The following PCLO variants were observed in gnomAD, a reference collection of about 807,000 sequenced individuals.
PCLO encodes protein piccolo.
PCLO carries 82 observed loss-of-function variants against 427.5 expected under a neutral mutation model. The ratio of observed to expected loss-of-function variants is 0.19; its 90% CI spans 0.16 to 0.23. PCLO has a LOEUF of 0.23. PCLO is among the 10% of genes least tolerant of loss of function. PCLO has a pLI of 1.00. For synonymous variants in PCLO, 2,357 were observed against 2,155.4 expected (o/e 1.09, Z -2.59); for missense variants, 6,239 against 6,115.9 (o/e 1.02, Z -0.67).
At chr7:83,020,588 GT>G (rs1788319408) in intron 3 of PCLO, among the ~76,000 whole-genome samples, 1 of 152,088 alleles carries the variant, frequency 6.6e-6, no homozygotes, top group Non-Finnish European at 1.5e-5. Context: ...TAGCAAGAAG[GT>G]CTTACCAGAC....
intron 6 of PCLO, among the ~76,000 whole-genome samples, chr7:82,922,724 C>T (rs13230738): frequency 6.6e-6 from 1 of 151,902 alleles, no homozygotes; most frequent in Non-Finnish European, 1.5e-5. Context: ...CATGTACCCT[C>T]TGAACCTAAA....
chr7:83,008,699 A>C (rs952892462), intron 3 of PCLO, among the ~76,000 whole-genome samples: 10 of 151,750 alleles, frequency 6.6e-5, no homozygotes, highest in Non-Finnish European at 1.5e-4. Context: ...CTAAAAATGT[A>C]TAATAGGTTG....
chr7:83,020,182 C>G (rs1216318164), intron 3 of PCLO, among the ~76,000 whole-genome samples: 5 of 151,908 alleles, frequency 3.3e-5, no homozygotes. Context: ...TCTAGTTTGA[C>G]CCCTAAGTGT....
intron 3 of PCLO, among the ~76,000 whole-genome samples, chr7:83,048,773 T>C (rs1000371013): frequency 6.6e-6 from 1 of 152,132 alleles, no homozygotes; most frequent in Non-Finnish European, 1.5e-5. Flanking sequence ...TATTCTCACC[T>C]ACTGATGGTT....
chr7:82,917,006 T>C (rs756882895), intron 6 of PCLO, 133 bp from the exon 7 acceptor site: 6 of 572,436 alleles, frequency 1.0e-5, no homozygotes, highest in South Asian at 3.5e-5. Context: ...AAATAAAATA[T>C]ATGCATATAA....
chr7:83,156,561 CT>C (rs571082985), intron 1 of PCLO, among the ~76,000 whole-genome samples, 169 bp from the exon 2 acceptor site: 3 of 151,264 alleles, frequency 2.0e-5, no homozygotes, highest in East Asian at 1.9e-4. Context: ...AGTTTTAATG[CT>C]TTTTTTTCTT....
chr7:83,144,105 A>G (rs1791934364), intron 2 of PCLO, among the ~76,000 whole-genome samples: 1 of 152,210 alleles, frequency 6.6e-6, no homozygotes, highest in South Asian at 2.1e-4. Flanking sequence ...TTGACTTAAG[A>G]AGGAAATAAA....
At chr7:82,870,522 G>T (rs543818816) in intron 10 of PCLO, among the ~76,000 whole-genome samples, 1 of 152,030 alleles carries the variant, frequency 6.6e-6, no homozygotes, top group South Asian at 2.1e-4. Context: ...CAGGACATTG[G>T]TATGGGCAAA....
chr7:83,038,379 C>T (rs1788885349), intron 3 of PCLO, among the ~76,000 whole-genome samples: 1 of 151,510 alleles, frequency 6.6e-6, no homozygotes, highest in Non-Finnish European at 1.5e-5. Context: ...AGCCATTTCA[C>T]ATATTCCCCA....
intron 9 of PCLO, among the ~76,000 whole-genome samples, chr7:82,882,639 A>G (rs1198780727): frequency 1.3e-5 from 2 of 152,276 alleles, no homozygotes; most frequent in South Asian, 2.1e-4. Flanking sequence ...AAAACCTTCA[A>G]AGGTTGGGAT....
chr7:82,959,760 T>C (rs1446125423), intron 4 of PCLO, among the ~76,000 whole-genome samples: 1 of 152,056 alleles, frequency 6.6e-6, no homozygotes, highest in African/African-American at 2.4e-5. Flanking sequence ...GATTTCATCA[T>C]TGTTTACCTA....
chr7:82,796,758 A>G (rs1791231811), intron 22 of PCLO, among the ~76,000 whole-genome samples: 1 of 149,232 alleles, frequency 6.7e-6, no homozygotes. Flanking sequence ...TCCTGGCTGT[A>G]CACACCTGGT....
chr7:83,127,295 C>T (rs565663233), intron 3 of PCLO, among the ~76,000 whole-genome samples: 5 of 151,890 alleles, frequency 3.3e-5, no homozygotes, highest in African/African-American at 9.7e-5. Flanking sequence ...TGTAAGTTCA[C>T]ATATTTGTTT....
At chr7:82,825,288 A>G (rs1196691669) in intron 18 of PCLO, among the ~76,000 whole-genome samples, 2 of 152,146 alleles carry the variant, frequency 1.3e-5, no homozygotes, top group Non-Finnish European at 2.9e-5. Context: ...TCATGTAAAC[A>G]TAAGACCATA....
At chr7:83,138,528 G>A (rs1791785357) in intron 2 of PCLO, among the ~76,000 whole-genome samples, 1 of 152,000 alleles carries the variant, frequency 6.6e-6, no homozygotes, top group Non-Finnish European at 1.5e-5. Context: ...AGGTGTAGTG[G>A]TGCATGCCTG....
Position 83,100,808 on chromosome 7 carries a change from A to C in PCLO, c.3300+33442T>G, listed in dbSNP as rs137991792. ...GTACTTGTACTCCTAAACTTAAAAT[A>C]AAATTTAAAAAACTGTTATTTTATA... On this transcript the variant is annotated intron_variant, in intron 3 of 24. Transcript: ENST00000333891. Among the ~76,000 whole-genome samples the C allele has an allele frequency of 9.9e-3, 1,512 of 152,288 alleles. 27 individuals are homozygous for C. The highest frequency in any genetic ancestry group is 0.033 in the African/African-American group (1,359 of 41,562).
chr7:83,099,208 T>C (rs1790671590), intron 3 of PCLO, among the ~76,000 whole-genome samples: 2 of 147,456 alleles, frequency 1.4e-5, no homozygotes, highest in South Asian at 4.4e-4. Context: ...GGCAGCTTGA[T>C]GAAGGAGGTG....
chr7:82,896,492 G>T (rs1279586841), intron 9 of PCLO, among the ~76,000 whole-genome samples: 1 of 151,596 alleles, frequency 6.6e-6, no homozygotes, highest in Non-Finnish European at 1.5e-5. Flanking sequence ...TTTGGATGAG[G>T]GATGTTGGAA....
chr7:83,058,047 G>C (rs1340247782), intron 3 of PCLO, among the ~76,000 whole-genome samples: 1 of 152,174 alleles, frequency 6.6e-6, no homozygotes, highest in African/African-American at 2.4e-5. Flanking sequence ...ACTTTGCTTT[G>C]AAGAAGAGAA....
Sources: gnomAD v4.1 joint callset for allele counts (sites outside exome capture counted in the v4.1 genomes callset) on GRCh38, gnomAD v4.1.1 for gene constraint, MANE v1.5 for transcripts, NCBI Gene and HGNC (gene_info 2026-07-23, HGNC 2026-07-21) for gene names.